KCNMA1: variants seen among roughly 807,000 people sequenced by gnomAD.
KCNMA1 encodes the protein Calcium-activated potassium channel subunit alpha-1.
A neutral mutation model predicts 140.0 loss-of-function variants in KCNMA1; 29 were observed. The observed-to-expected ratio is 0.21, with a 90% confidence interval of 0.15 to 0.28. The LOEUF (loss-of-function observed/expected upper bound fraction) is 0.28, where lower values mean the gene tolerates loss of function less well. KCNMA1 is among the 10% of genes least tolerant of loss of function. KCNMA1 has a pLI of 1.00. For missense variants in KCNMA1, 880 were observed against 1,602.2 expected (o/e 0.55, Z 7.70); for synonymous variants, 612 against 611.9 (o/e 1.00, Z 0.00).
intron 14 of KCNMA1, among the ~76,000 whole-genome samples, chr10:77,063,484 T>G (rs1171453506): frequency 1.3e-5 from 2 of 152,082 alleles, no homozygotes; most frequent in African/African-American, 2.4e-5. Flanking sequence ...AAAAGTGCTG[T>G]GCAAACGTAA....
At chr10:77,607,585 A>T (rs1013534093) in intron 1 of KCNMA1, among the ~76,000 whole-genome samples, 30 of 152,174 alleles carry the variant, frequency 2.0e-4, no homozygotes, top group African/African-American at 7.2e-4. Context: ...CAGAAGAGAA[A>T]GTAAGAGATG....
intron 5 of KCNMA1, among the ~76,000 whole-genome samples, chr10:77,178,346 C>T (rs4980131): frequency 2.0e-5 from 3 of 152,168 alleles, no homozygotes; most frequent in Non-Finnish European, 2.9e-5. Context: ...AGAAAACTGG[C>T]TGGTGAGTGC....
At chr10:77,298,056 A>G (rs1244329529) in intron 2 of KCNMA1, among the ~76,000 whole-genome samples, 6 of 152,078 alleles carry the variant, frequency 3.9e-5, no homozygotes, top group African/African-American at 1.4e-4. Context: ...GAAACTGGCA[A>G]CCTAGACATT....
chr10:77,241,348 T>C (rs1451779122), intron 3 of KCNMA1, among the ~76,000 whole-genome samples: 1 of 152,128 alleles, frequency 6.6e-6, no homozygotes, highest in African/African-American at 2.4e-5. Flanking sequence ...TGACGAATAA[T>C]AACAACGAAT....
chr10:77,009,344 C>A lies in KCNMA1; in HGVS notation c.2092+2623G>T, dbSNP rs2153445696. 2.0e-5 allele frequency among the ~76,000 whole-genome samples: 3 copies of A among 152,288 alleles called. No homozygotes were observed. In the South Asian group the frequency reaches 6.2e-4, roughly 32 times the overall value. On this transcript the variant is annotated intron_variant, in intron 18 of 27. Transcript: ENST00000286628. ...TGAAGCTAAAGCCTGCTGCTGTTTA[C>A]CTGTCTGGAACCAAGGTGGAAAAAT... is the stretch of plus-strand genomic sequence containing the variant.
At chr10:77,519,873 T>C (rs962615533) in intron 1 of KCNMA1, among the ~76,000 whole-genome samples, 49 of 152,006 alleles carry the variant, frequency 3.2e-4, no homozygotes, top group African/African-American at 1.1e-3. Context: ...TGTGAGGGTA[T>C]ACATGAGGTC....
chr10:76,967,044 G>A (rs143871338), intron 20 of KCNMA1, among the ~76,000 whole-genome samples: 8 of 152,292 alleles, frequency 5.3e-5, no homozygotes, highest in East Asian at 1.9e-4. Context: ...CAGAGTCCCC[G>A]TTGCATCTCC....
intron 1 of KCNMA1, chr10:77,635,184 G>A (rs1376864529): frequency 6.6e-6 from 1 of 152,208 alleles, no homozygotes; most frequent in Non-Finnish European, 1.5e-5. Flanking sequence ...TAAACTGACA[G>A]AAGTTATGCT....
At chr10:77,623,594 G>A (rs544591849) in intron 1 of KCNMA1, among the ~76,000 whole-genome samples, 20 of 151,788 alleles carry the variant, frequency 1.3e-4, no homozygotes, top group Admixed American at 7.9e-4. Context: ...TCCCAGTTAC[G>A]TGGGAGGCTG....
chr10:76,947,996 TTTCTTG>T (rs1436070989), intron 22 of KCNMA1, among the ~76,000 whole-genome samples: 14 of 10,658 alleles, frequency 1.3e-3, no homozygotes, highest in East Asian at 0.011. Flanking sequence ...TCCTCAGTTG[TTTCTTG>T]TTTTGTTTTT....
chr10:77,296,053 T>C (rs945853195), intron 2 of KCNMA1, among the ~76,000 whole-genome samples: 8 of 152,008 alleles, frequency 5.3e-5, no homozygotes, highest in Admixed American at 6.6e-5. Flanking sequence ...CCCTCAAAGA[T>C]GCCAGTATCT....
At chr10:77,351,534 G>A (rs1379098862) in intron 2 of KCNMA1, among the ~76,000 whole-genome samples, 1 of 152,164 alleles carries the variant, frequency 6.6e-6, no homozygotes, top group Admixed American at 6.5e-5. Flanking sequence ...CTGTCACTCA[G>A]ATCTCAGATC....
At chr10:77,213,723 G>A (rs973194447) in intron 3 of KCNMA1, among the ~76,000 whole-genome samples, 13 of 151,996 alleles carry the variant, frequency 8.6e-5, no homozygotes, top group African/African-American at 2.9e-4. Context: ...GCTGATTGTC[G>A]GTGACCCTTT....
intron 2 of KCNMA1, among the ~76,000 whole-genome samples, chr10:77,298,759 G>A (rs995498097): frequency 2.0e-5 from 3 of 152,144 alleles, no homozygotes; most frequent in Non-Finnish European, 2.9e-5. Flanking sequence ...AATGGCCCTC[G>A]GCATCCAGCA....
chr10:77,066,822 C>T (rs1048028057), intron 14 of KCNMA1, among the ~76,000 whole-genome samples: 1 of 152,128 alleles, frequency 6.6e-6, no homozygotes, highest in African/African-American at 2.4e-5. Context: ...TTTACTTTGC[C>T]AGACAAACTC....
intron 25 of KCNMA1, among the ~76,000 whole-genome samples, chr10:76,895,225 A>G (rs988741706): frequency 6.6e-6 from 1 of 152,126 alleles, no homozygotes; most frequent in Non-Finnish European, 1.5e-5. Flanking sequence ...CTTAAAAGGG[A>G]CAGGAATTGC....
intron 1 of KCNMA1, among the ~76,000 whole-genome samples, chr10:77,465,173 C>T (rs1036395520): frequency 6.6e-6 from 1 of 152,178 alleles, no homozygotes; most frequent in Admixed American, 6.5e-5. Flanking sequence ...TGATGCTGAG[C>T]GTGGCAATGA....
intron 2 of KCNMA1, among the ~76,000 whole-genome samples, chr10:77,363,101 A>G (rs1404837513): frequency 7.3e-6 from 1 of 137,082 alleles, no homozygotes; most frequent in Non-Finnish European, 1.5e-5. Flanking sequence ...GTAGTTTGAG[A>G]TTGTTAAGAA....
At chr10:77,530,368 T>C (rs1429548526) in intron 1 of KCNMA1, among the ~76,000 whole-genome samples, 1 of 152,370 alleles carries the variant, frequency 6.6e-6, no homozygotes, top group African/African-American at 2.4e-5. Context: ...TGGGGCTTTT[T>C]AATTTTTCCC....
Sources: allele counts gnomAD v4.1 joint callset (sites outside exome capture counted in the v4.1 genomes callset), GRCh38; gene constraint gnomAD v4.1.1; transcripts MANE v1.5; gene names NCBI Gene and HGNC (gene_info 2026-07-23, HGNC 2026-07-21).